Variants in ABCD3 observed in about 807,000 individuals in gnomAD.
ABCD3 encodes the protein ATP-binding cassette sub-family D member 3.
A neutral mutation model predicts 105.5 loss-of-function variants in ABCD3; 41 were observed. The observed-to-expected ratio is 0.39, with a 90% CI of 0.30 to 0.50. The LOEUF is 0.50. Among genes scored for constraint, ABCD3 ranks in the 20% least tolerant of loss-of-function variants. The pLI is 0.84. For synonymous variants in ABCD3, 258 were observed against 269.0 expected (o/e 0.96, Z 0.40); for missense variants, 622 against 806.3 (o/e 0.77, Z 2.77).
chr1:94,515,576 A>G (rs994130577), intron 22 of ABCD3, among the ~76,000 whole-genome samples: 7 of 151,964 alleles, frequency 4.6e-5, no homozygotes, highest in African/African-American at 1.7e-4. Flanking sequence ...AGAGGTCAGG[A>G]CTACAAGGGG....
At chr1:94,451,120 G>A (rs1647226126) in intron 1 of ABCD3, among the ~76,000 whole-genome samples, 1 of 151,890 alleles carries the variant, frequency 6.6e-6, no homozygotes, top group African/African-American at 2.4e-5. Context: ...GTATCTTCTT[G>A]GTAGGTATCT....
At chr1:94,500,289 T>A (rs976154998) in intron 20 of ABCD3, among the ~76,000 whole-genome samples, 2 of 151,640 alleles carry the variant, frequency 1.3e-5, no homozygotes, top group Admixed American at 6.6e-5. Context: ...CAAAAAAAAA[T>A]TTAAAAATTA....
rs931162739 is a variant in ABCD3 at position 94,468,141 on chromosome 1, A to G, written c.335+134A>G. The G allele has an allele frequency of 9.6e-5, 72 of 751,572 alleles. No homozygotes were observed. The Middle Eastern group carries it at 1.1e-3, about 11-fold the overall frequency. The allele number at this position is 751,572 out of a possible 1,614,324, so 46.6% of individuals were successfully genotyped here. ...CCCAAGTCAAATTATGTGTTTGTTC[A>G]TTTACTTAAAAAATACTTAGTGTTT... is the stretch of plus-strand genomic sequence containing the variant. On this transcript the variant is annotated intron_variant, in intron 4 of 22. Coordinates refer to ENST00000370214, the MANE Select transcript of ABCD3 (RefSeq NM_002858.4).
intron 1 of ABCD3, among the ~76,000 whole-genome samples, chr1:94,451,468 G>C (rs919951185): frequency 1.3e-5 from 2 of 152,140 alleles, no homozygotes; most frequent in South Asian, 4.1e-4. Flanking sequence ...AGTTCCTTGA[G>C]AACACATTCT....
At chr1:94,473,001 T>A (rs943751475) in intron 4 of ABCD3, among the ~76,000 whole-genome samples, 2 of 152,178 alleles carry the variant, frequency 1.3e-5, no homozygotes, top group African/African-American at 2.4e-5. Flanking sequence ...TTTAAAAATT[T>A]TTAATGTATA....
At position 94,512,689 on chromosome 1, in the gene ABCD3, G is replaced by T. The variant is rs544664010; in HGVS notation, c.1846-2457G>T. Among the ~76,000 whole-genome samples the T allele has an allele frequency of 2.0e-5, 3 of 152,032 alleles. No homozygotes were observed. In the East Asian group the frequency reaches 5.8e-4, roughly 29 times the overall value. ...GCTGCTTTTAGTAGCTAAGTCTGAG[G>T]CTATCTTTATTGGTTCCATTCTTTA... On this transcript the variant is annotated intron_variant, in intron 21 of 22. Transcript: ENST00000370214.
At chr1:94,407,454 T>A in the ABCD3 span, among the ~76,000 whole-genome samples, 2 of 152,196 alleles carry the variant, frequency 1.3e-5, no homozygotes, top group East Asian at 3.9e-4. Flanking sequence ...TTCTATTTGC[T>A]CAAGTCTTCT....
In ABCD3 at chr1:94,483,377, T is replaced by C. The variant is rs112803070; in HGVS notation, c.897+138T>C. 9.3e-5 allele frequency: 63 copies of C among 675,828 alleles called. No homozygotes were observed. In the African/African-American group the frequency reaches 1.0e-3, roughly 11 times the overall value. The allele number at this position is 675,828 out of a possible 1,614,324, so 41.9% of individuals were successfully genotyped here. ...CATATCTTAAAGATTTTTTGAAAAA[T>C]AGCTATAAAGGATTTTATACTGCAT... is the stretch of plus-strand genomic sequence containing the variant. On this transcript the variant is annotated intron_variant, in intron 10 of 22. Coordinates refer to ENST00000370214, the MANE Select transcript of ABCD3 (RefSeq NM_002858.4).
chr1:94,506,819 A>C (rs1463757893), intron 21 of ABCD3, among the ~76,000 whole-genome samples, 177 bp downstream of exon 21: 1 of 151,972 alleles, frequency 6.6e-6, no homozygotes, highest in Non-Finnish European at 1.5e-5. Context: ...TTATAAATAC[A>C]GTTCTGTATA....
At position 94,464,819 on chromosome 1, in the gene ABCD3, C is replaced by T. The variant is rs770641274; in HGVS notation, c.192C>T (p.Phe64=). The T allele has an allele frequency of 3.7e-6, 6 of 1,613,710 alleles. No homozygotes were observed. The South Asian group carries it at 6.6e-5, about 18-fold the overall frequency. Residue 64 remains phenylalanine (F), a synonymous_variant, in exon 3 of 23, where the codon TTC becomes TTT. Coordinates refer to ENST00000370214, the MANE Select transcript of ABCD3 (RefSeq NM_002858.4). The stretch of plus-strand genomic sequence containing the variant: ...GAGCTGTGGTGGACAAGGTGTTTTT[C>T]TCAAGGCTCATACAGATTCTGAAAA... ...KERAVVDKVF[F]SRLIQILKIM...
chr1:94,498,900 T>G, intron 18 of ABCD3, 45 bp from the exon 19 acceptor site: 1 of 1,610,926 alleles, frequency 6.2e-7, no homozygotes, highest in Non-Finnish European at 8.5e-7. Flanking sequence ...TGTTTATTTA[T>G]TTTTTCATGT....
rs1285137451 is a variant in ABCD3 at position 94,484,147 on chromosome 1, G to A, written c.897+908G>A. The stretch of plus-strand genomic sequence containing the variant: ...TTGAAAAGTCAGGAAACAACGTGCT[G>A]GAGAGGATGTGGAGAAATAGGAACA... On this transcript the variant is annotated intron_variant, in intron 10 of 22. Coordinates refer to ENST00000370214, the MANE Select transcript of ABCD3 (RefSeq NM_002858.4). 2.0e-5 allele frequency among the ~76,000 whole-genome samples: 3 copies of A among 152,300 alleles called. No individual in the cohort carries two copies. The East Asian group carries it at 5.8e-4, about 29-fold the overall frequency.
chr1:94,388,665 C>A, the ABCD3 span, among the ~76,000 whole-genome samples: 67 of 152,188 alleles, frequency 4.4e-4, no homozygotes, highest in African/African-American at 1.4e-3. Flanking sequence ...CACGTGGCCA[C>A]AGAAGATAGA....
intron 21 of ABCD3, among the ~76,000 whole-genome samples, chr1:94,511,748 T>A (rs1218863331): frequency 6.6e-6 from 1 of 152,102 alleles, no homozygotes; most frequent in Non-Finnish European, 1.5e-5. Flanking sequence ...CACTTCATCT[T>A]CCATCACTGA....
intron 21 of ABCD3, among the ~76,000 whole-genome samples, chr1:94,508,751 G>A (rs1214844352): frequency 6.6e-6 from 1 of 152,036 alleles, no homozygotes; most frequent in African/African-American, 2.4e-5. Flanking sequence ...TCTCTTTGAA[G>A]CAATTGTGAA....
At position 94,480,571 on chromosome 1, in the gene ABCD3, A is replaced by G. The variant is rs189799244; in HGVS notation, c.792A>G (p.Glu264=). 1 of 1,613,882 alleles carries G rather than the reference A, an allele frequency of 6.2e-7. No individual in the cohort carries two copies. Among genetic ancestry groups the G allele is most frequent in the East Asian group, 2.2e-5 (1 of 44,858 alleles). Residue 264 remains glutamate (E), a synonymous_variant, in exon 9 of 23, where the codon GAA becomes GAG. Coordinates refer to ENST00000370214, the MANE Select transcript of ABCD3 (RefSeq NM_002858.4). ...TAACTGAGCAAAAGTATGAAGGAGA[A>G]TATAGATATGTTAATTCTCGGCTCA... is the stretch of plus-strand genomic sequence containing the variant. The part of the protein sequence containing the change: ...MTITEQKYEG[E]YRYVNSRLIT...
intron 7 of ABCD3, among the ~76,000 whole-genome samples, chr1:94,476,466 C>T (rs1648745584): frequency 6.6e-6 from 1 of 152,176 alleles, no homozygotes; most frequent in Admixed American, 6.5e-5. Context: ...ATCTGAGATG[C>T]TTCAGTTCCC....
chr1:94,412,687 AT>A, the ABCD3 span, among the ~76,000 whole-genome samples: 1 of 152,176 alleles, frequency 6.6e-6, no homozygotes, highest in African/African-American at 2.4e-5. Context: ...TTTTAAAGCT[AT>A]TGCCCAGTTG....
chr1:94,443,295 C>T (rs1242135670), intron 1 of ABCD3, among the ~76,000 whole-genome samples: 1 of 152,074 alleles, frequency 6.6e-6, no homozygotes. Flanking sequence ...GTTGTTTGCC[C>T]ACTTTTTAAT....
Sources: gnomAD v4.1 joint callset for allele counts (sites outside exome capture counted in the v4.1 genomes callset) on GRCh38, gnomAD v4.1.1 for gene constraint, MANE v1.5 for transcripts, NCBI Gene and HGNC (gene_info 2026-07-23, HGNC 2026-07-21) for gene names.